The following VTCN1 variants were observed in gnomAD, a reference collection of about 807,000 sequenced individuals.
VTCN1 encodes V-set domain-containing T-cell activation inhibitor 1.
VTCN1 carries 26 observed loss-of-function variants against 26.5 expected under a neutral mutation model. The ratio of observed to expected loss-of-function variants is 0.98; its 90% CI spans 0.72 to 1.36. VTCN1 has a LOEUF of 1.36. Ranked by LOEUF, VTCN1 falls within the 40% of genes most tolerant of loss-of-function variation. VTCN1 has a pLI of 0.00. For synonymous variants in VTCN1, 116 were observed against 130.7 expected (o/e 0.89, Z 0.77); for missense variants, 298 against 337.7 (o/e 0.88, Z 0.92).
intron 1 of VTCN1, among the ~76,000 whole-genome samples, chr1:117,184,810 C>A (rs907777030): frequency 3.9e-5 from 6 of 152,068 alleles, no homozygotes; most frequent in Non-Finnish European, 5.9e-5. Flanking sequence ...GGATACCAAG[C>A]GTGTTGTGTT....
At chr1:117,202,150 T>C (rs1342750231) in intron 1 of VTCN1, among the ~76,000 whole-genome samples, 1 of 152,242 alleles carries the variant, frequency 6.6e-6, no homozygotes, top group African/African-American at 2.4e-5. Context: ...AGGATAATTG[T>C]TCTCATACTG....
At chr1:117,181,807 C>T (rs1240854367) in intron 1 of VTCN1, among the ~76,000 whole-genome samples, 5 of 152,136 alleles carry the variant, frequency 3.3e-5, no homozygotes, top group South Asian at 2.1e-4. Context: ...TGCATTTCAG[C>T]GAGGTCATCA....
Position 117,175,471 on chromosome 1 carries a change from G to A in VTCN1, c.33-5300C>T, listed in dbSNP as rs938780203. Among the ~76,000 whole-genome samples the A allele has an allele frequency of 3.3e-5, 5 of 152,220 alleles. No individual in the cohort carries two copies. The highest frequency in any genetic ancestry group is 4.8e-5 in the African/African-American group (2 of 41,454). On this transcript the variant is annotated intron_variant, in intron 1 of 5. Transcript: ENST00000369458. The surrounding 1 kb of genome is among the most constrained non-coding windows in gnomAD (Gnocchi z 4.2). Reference sequence around the variant, plus strand: ...TGTACTTCTCTGGAGAGGGAGCCCCGTGTGCAGATGTTCATTCAAAAAAAT... The same window carrying A: ...TGTACTTCTCTGGAGAGGGAGCCCCATGTGCAGATGTTCATTCAAAAAAAT...
chr1:117,171,309 A>T (rs1652906736), intron 1 of VTCN1, among the ~76,000 whole-genome samples: 1 of 152,186 alleles, frequency 6.6e-6, no homozygotes, highest in African/African-American at 2.4e-5. Flanking sequence ...TGCTGCAATA[A>T]CCACATGTGT....
intron 1 of VTCN1, among the ~76,000 whole-genome samples, chr1:117,199,114 T>G (rs1188306805): frequency 6.6e-6 from 1 of 152,214 alleles, no homozygotes; most frequent in Non-Finnish European, 1.5e-5. Flanking sequence ...TCTATTCTTT[T>G]GTAATTACCC....
intron 1 of VTCN1, among the ~76,000 whole-genome samples, chr1:117,199,605 C>T (rs12759764): frequency 0.048 from 7,212 of 150,956 alleles, 254 homozygotes; most frequent in East Asian, 0.13. Context: ...GGATTACAGG[C>T]GTGGGCCACT....
intron 4 of VTCN1, among the ~76,000 whole-genome samples, chr1:117,152,298 A>T (rs1651842411): frequency 6.6e-6 from 1 of 152,220 alleles, no homozygotes; most frequent in Non-Finnish European, 1.5e-5. Context: ...TTTATAGGGT[A>T]CTTATAATGT....
intron 3 of VTCN1, among the ~76,000 whole-genome samples, chr1:117,154,115 G>C (rs764363909): frequency 2.0e-5 from 3 of 152,166 alleles, no homozygotes; most frequent in Non-Finnish European, 1.5e-5. Flanking sequence ...AGCTGGTGCT[G>C]AGTAAGTAGT....
At chr1:117,166,306 A>C (rs1652605459) in intron 2 of VTCN1, among the ~76,000 whole-genome samples, 1 of 152,190 alleles carries the variant, frequency 6.6e-6, no homozygotes, top group Admixed American at 6.5e-5. Context: ...TAACAACCAA[A>C]AGATAAACAA....
rs1047766774 is a variant in VTCN1 at position 117,157,300 on chromosome 1, A to C, written c.98-379T>G. Among the ~76,000 whole-genome samples, 3 of 151,990 alleles carry C rather than the reference A, an allele frequency of 2.0e-5. No homozygotes were observed. In the East Asian group the frequency reaches 5.8e-4, roughly 29 times the overall value. On this transcript the variant is annotated intron_variant, in intron 2 of 5. Coordinates refer to ENST00000369458, the MANE Select transcript of VTCN1 (RefSeq NM_024626.4). ...AATTGGAGGTAACAATGTCTGTCTT[A>C]CCTACTATATTAGTCCATTTTCATG...
At chr1:117,188,445 T>C (rs1236524098) in intron 1 of VTCN1, among the ~76,000 whole-genome samples, 1 of 152,198 alleles carries the variant, frequency 6.6e-6, no homozygotes, top group East Asian at 1.9e-4. Context: ...ACTGAGGCAA[T>C]ATCAGGCAAT....
chr1:117,176,147 G>C (rs1381271108), intron 1 of VTCN1, among the ~76,000 whole-genome samples: 1 of 152,154 alleles, frequency 6.6e-6, no homozygotes, highest in Non-Finnish European at 1.5e-5. Context: ...ATGCTTATCA[G>C]GCATAATGCC....
chr1:117,210,456 C>G (rs889288452), intron 1 of VTCN1, among the ~76,000 whole-genome samples: 8 of 152,230 alleles, frequency 5.3e-5, no homozygotes, highest in Non-Finnish European at 1.0e-4. Context: ...TCCCTGCCAT[C>G]CCACCATGCA....
At chr1:117,189,223 C>T (rs1053709532) in intron 1 of VTCN1, among the ~76,000 whole-genome samples, 2 of 152,142 alleles carry the variant, frequency 1.3e-5, no homozygotes, top group South Asian at 2.1e-4. Flanking sequence ...TTCACTTCCT[C>T]GTCTCTTCTC....
At chr1:117,158,275 A>T (rs1039839117) in intron 2 of VTCN1, among the ~76,000 whole-genome samples, 1 of 152,184 alleles carries the variant, frequency 6.6e-6, no homozygotes, top group Non-Finnish European at 1.5e-5. Flanking sequence ...GAAGTTCTCC[A>T]TGAGAGCCCC....
At chr1:117,171,316 G>A (rs1652907055) in intron 1 of VTCN1, among the ~76,000 whole-genome samples, 1 of 152,192 alleles carries the variant, frequency 6.6e-6, no homozygotes, top group South Asian at 2.1e-4. Flanking sequence ...ATAACCACAT[G>A]TGTGCATGTA....
chr1:117,189,910 C>CAAG (rs58633161), intron 1 of VTCN1, among the ~76,000 whole-genome samples: 122,295 of 151,902 alleles, frequency 0.81, 49,524 homozygotes, highest in East Asian at 0.99. Flanking sequence ...AGCCCAAGAC[C>CAAG]AAGGTAGGCT....
At chr1:117,201,915 G>A (rs1469290022) in intron 1 of VTCN1, among the ~76,000 whole-genome samples, 5 of 152,214 alleles carry the variant, frequency 3.3e-5, no homozygotes, top group African/African-American at 1.2e-4. Flanking sequence ...TGGATGAGCA[G>A]AAGTGAAATC....
intron 1 of VTCN1, among the ~76,000 whole-genome samples, chr1:117,195,967 A>G (rs1648484187): frequency 6.6e-6 from 1 of 152,150 alleles, no homozygotes; most frequent in East Asian, 1.9e-4. Flanking sequence ...TTTGGGCAAC[A>G]TAGGAAGGCC....
Sources: gnomAD v4.1 joint callset for allele counts (sites outside exome capture counted in the v4.1 genomes callset) on GRCh38, gnomAD v4.1.1 for gene constraint, Gnocchi (gnomAD v3.1) non-coding constraint, MANE v1.5 for transcripts, NCBI Gene and HGNC (gene_info 2026-07-23, HGNC 2026-07-21) for gene names.